The following GPR39 variants were observed in gnomAD, a reference collection of about 807,000 sequenced individuals.
The protein encoded by GPR39 is zinc sensing receptor.
A neutral mutation model predicts 18.4 loss-of-function variants in GPR39; 23 were observed. That is an observed-to-expected ratio of 1.25 (90% CI 0.90 to 1.77). GPR39 has a LOEUF of 1.77. Among genes scored for constraint, GPR39 ranks in the 40% most tolerant of loss-of-function variants. The pLI is 0.00. For missense variants in GPR39, 647 were observed against 602.4 expected (o/e 1.07, Z -0.78); for synonymous variants, 280 against 257.9 (o/e 1.09, Z -0.82).
chr2:132,494,805 G>A (rs569086893), intron 1 of GPR39, among the ~76,000 whole-genome samples: 20 of 152,058 alleles, frequency 1.3e-4, no homozygotes, highest in African/African-American at 4.6e-4. Flanking sequence ...TTTGATGTTT[G>A]TTTTTCTTAT....
At chr2:132,585,324 C>T (rs1350386123) in intron 1 of GPR39, among the ~76,000 whole-genome samples, 1 of 152,140 alleles carries the variant, frequency 6.6e-6, no homozygotes, top group Non-Finnish European at 1.5e-5. Flanking sequence ...AACCCCTATT[C>T]TAGCTTCTGG....
At chr2:132,573,910 C>T (rs1171653186) in intron 1 of GPR39, among the ~76,000 whole-genome samples, 7 of 152,200 alleles carry the variant, frequency 4.6e-5, no homozygotes, top group East Asian at 3.8e-4. Flanking sequence ...GTCAGTTAAA[C>T]GCTAGATTTT....
intron 1 of GPR39, among the ~76,000 whole-genome samples, chr2:132,606,854 C>T (rs1681147373): frequency 6.6e-6 from 1 of 152,290 alleles, no homozygotes; most frequent in Non-Finnish European, 1.5e-5. Context: ...GCCAAACTAA[C>T]CTCCAAGTCC....
chr2:132,509,661 G>C (rs896183020), intron 1 of GPR39, among the ~76,000 whole-genome samples: 1 of 152,176 alleles, frequency 6.6e-6, no homozygotes, highest in Admixed American at 6.5e-5. Flanking sequence ...TCATCTGTGA[G>C]TAGGTATAAT....
intron 1 of GPR39, among the ~76,000 whole-genome samples, chr2:132,508,671 C>A (rs1679180657): frequency 6.6e-6 from 1 of 152,174 alleles, no homozygotes; most frequent in Non-Finnish European, 1.5e-5. Context: ...AAATCAGCTG[C>A]CGTTTAAAGC....
chr2:132,490,899 A>T (rs752744231), intron 1 of GPR39, among the ~76,000 whole-genome samples: 57 of 152,142 alleles, frequency 3.7e-4, no homozygotes, highest in Non-Finnish European at 6.5e-4. Context: ...GATGATGATA[A>T]ACGTGTGAGG....
chr2:132,562,253 C>T (rs1680269042), intron 1 of GPR39, among the ~76,000 whole-genome samples: 1 of 152,136 alleles, frequency 6.6e-6, no homozygotes, highest in African/African-American at 2.4e-5. Context: ...CTTCACACTG[C>T]CACCAAAGTG....
At chr2:132,526,490 A>T (rs1007266427) in intron 1 of GPR39, among the ~76,000 whole-genome samples, 10 of 152,166 alleles carry the variant, frequency 6.6e-5, no homozygotes, top group Non-Finnish European at 1.2e-4. Context: ...CCCTAGTGGG[A>T]TCTTTTACTT....
intron 1 of GPR39, among the ~76,000 whole-genome samples, chr2:132,498,827 A>G (rs1573633161): frequency 6.6e-6 from 1 of 152,116 alleles, no homozygotes; most frequent in Non-Finnish European, 1.5e-5. Flanking sequence ...GATGCTGAGC[A>G]TTTTTCCACA....
Position 132,512,116 on chromosome 2 carries a change from G to A in GPR39, c.856+94218G>A, listed in dbSNP as rs1441844085. 5.3e-5 allele frequency among the ~76,000 whole-genome samples: 8 copies of A among 152,136 alleles called. 1 individual carries two copies. ...TAGGCTGTACCTTGGCTCTCTGTCA[G>A]TCTAGGGCTAAGAGTATAACTTGGG... On this transcript the variant is annotated intron_variant, in intron 1 of 1. Transcript: ENST00000329321.
intron 1 of GPR39, among the ~76,000 whole-genome samples, chr2:132,486,875 T>G (rs1297185037): frequency 6.6e-6 from 1 of 152,258 alleles, no homozygotes; most frequent in Non-Finnish European, 1.5e-5. Context: ...ATTCACAGCT[T>G]GGCTAACTTT....
chr2:132,623,598 C>T (rs10206649), intron 1 of GPR39, among the ~76,000 whole-genome samples: 3,092 of 152,284 alleles, frequency 0.02, 104 homozygotes, highest in African/African-American at 0.07. Context: ...AGCCCCAGTC[C>T]GGAAACCTGG....
chr2:132,516,519 C>T (rs2104763198), intron 1 of GPR39, among the ~76,000 whole-genome samples: 1 of 152,280 alleles, frequency 6.6e-6, no homozygotes, highest in Admixed American at 6.5e-5. Context: ...CTTAATATCT[C>T]TCAGCATAAA....
At chr2:132,534,676 C>T (rs1679714545) in intron 1 of GPR39, among the ~76,000 whole-genome samples, 1 of 151,922 alleles carries the variant, frequency 6.6e-6, no homozygotes, top group African/African-American at 2.4e-5. Context: ...ATGATGAGTT[C>T]ATGTCCTTTG....
chr2:132,505,295 T>C (rs1264925264), intron 1 of GPR39, among the ~76,000 whole-genome samples: 1 of 152,196 alleles, frequency 6.6e-6, no homozygotes, highest in African/African-American at 2.4e-5. Context: ...TACATACTTA[T>C]GGGGTACATG....
chr2:132,606,837 C>A (rs1681146989), intron 1 of GPR39, among the ~76,000 whole-genome samples: 1 of 152,182 alleles, frequency 6.6e-6, no homozygotes, highest in Non-Finnish European at 1.5e-5. Context: ...GGTCGGGCCG[C>A]TCAATGGCCA....
chr2:132,529,932 A>G (rs1679582126), intron 1 of GPR39, among the ~76,000 whole-genome samples: 1 of 152,198 alleles, frequency 6.6e-6, no homozygotes, highest in South Asian at 2.1e-4. Flanking sequence ...CGGAAACTCT[A>G]AAAATCAGAG....
At chr2:132,468,471 T>A (rs1680971043) in intron 1 of GPR39, among the ~76,000 whole-genome samples, 1 of 152,136 alleles carries the variant, frequency 6.6e-6, no homozygotes, top group Non-Finnish European at 1.5e-5. Flanking sequence ...GGGTACATTG[T>A]GGACAGGCAC....
intron 1 of GPR39, among the ~76,000 whole-genome samples, chr2:132,613,707 A>G (rs1293400672): frequency 6.6e-6 from 1 of 152,208 alleles, no homozygotes; most frequent in Non-Finnish European, 1.5e-5. Flanking sequence ...CCTTGTCCTG[A>G]TACTTGTCCT....
Sources: gnomAD v4.1 joint callset for allele counts (sites outside exome capture counted in the v4.1 genomes callset) on GRCh38, gnomAD v4.1.1 for gene constraint, MANE v1.5 for transcripts, NCBI Gene and HGNC (gene_info 2026-07-23, HGNC 2026-07-21) for gene names.